Variants in COL10A1 observed in about 807,000 individuals in gnomAD.
The protein encoded by COL10A1 is collagen alpha-1(X) chain.
In COL10A1, 10 loss-of-function variants were observed where a neutral mutation model predicts 18.2. The ratio of observed to expected loss-of-function variants is 0.55; its 90% CI spans 0.34 to 0.93. The LOEUF (loss-of-function observed/expected upper bound fraction) is 0.93. COL10A1 is among the 40% of genes least tolerant of loss of function. The pLI is 0.02. For missense variants in COL10A1, 897 were observed against 853.5 expected, an observed-to-expected ratio of 1.05 and a Z score of -0.64; for synonymous variants, 330 against 316.6, an observed-to-expected ratio of 1.04 and a Z score of -0.45.
the COL10A1 span, among the ~76,000 whole-genome samples, chr6:116,196,069 A>G: frequency 3.3e-5 from 5 of 151,984 alleles, no homozygotes; most frequent in Admixed American, 1.3e-4. Flanking sequence ...TAAACTTGAC[A>G]TTCTGTTATC....
the COL10A1 span, among the ~76,000 whole-genome samples, chr6:116,169,674 A>G: frequency 6.6e-6 from 1 of 152,228 alleles, no homozygotes; most frequent in Admixed American, 6.5e-5. Flanking sequence ...ACAAATGGAT[A>G]AAACATGAGG....
the COL10A1 span, among the ~76,000 whole-genome samples, chr6:116,204,629 A>T: frequency 6.6e-6 from 1 of 151,984 alleles, no homozygotes; most frequent in Non-Finnish European, 1.5e-5. Flanking sequence ...AGCCCTAAAG[A>T]AGTACTCATA....
At chr6:116,162,954 C>T (rs1255677730), upstream of COL10A1, among the ~76,000 whole-genome samples, 6 of 151,540 alleles carry the variant, frequency 4.0e-5, no homozygotes, top group African/African-American at 1.5e-4. Flanking sequence ...GGTGAAACCC[C>T]GTCTCTACTA....
chr6:116,162,523 T>C (rs566519038), upstream of COL10A1, among the ~76,000 whole-genome samples: 1 of 152,346 alleles, frequency 6.6e-6, no homozygotes, highest in South Asian at 2.1e-4. Context: ...TTCTGCATAT[T>C]GAGATGATCA....
At chr6:116,181,520 G>A in the COL10A1 span, among the ~76,000 whole-genome samples, 3 of 152,070 alleles carry the variant, frequency 2.0e-5, no homozygotes, top group South Asian at 6.2e-4. Context: ...TCCCATTATA[G>A]GATATCTCCA....
chr6:116,210,401 G>T, the COL10A1 span, among the ~76,000 whole-genome samples: 1 of 151,780 alleles, frequency 6.6e-6, no homozygotes, highest in Non-Finnish European at 1.5e-5. Context: ...TGGTGACCCT[G>T]TAGTTACCAT....
At chr6:116,129,948 A>G (rs1376391578), upstream of COL10A1, among the ~76,000 whole-genome samples, 1 of 152,146 alleles carries the variant, frequency 6.6e-6, no homozygotes, top group Admixed American at 6.5e-5. Context: ...AGCACACACA[A>G]ATACATTTTT....
At chr6:116,138,949 G>C (rs1286026561) in intron 1 of COL10A1, among the ~76,000 whole-genome samples, 2 of 152,044 alleles carry the variant, frequency 1.3e-5, no homozygotes, top group Non-Finnish European at 2.9e-5. Context: ...TGCATTATTA[G>C]TTTTGTGACC....
At chr6:116,141,274 T>G (rs887443010) in intron 1 of COL10A1, among the ~76,000 whole-genome samples, 2 of 152,214 alleles carry the variant, frequency 1.3e-5, no homozygotes, top group African/African-American at 4.8e-5. Flanking sequence ...TTTTTTTTTT[T>G]TGGTGGTGGT....
At chr6:116,163,613 T>C (rs1237300613), upstream of COL10A1, among the ~76,000 whole-genome samples, 1 of 152,156 alleles carries the variant, frequency 6.6e-6, no homozygotes, top group East Asian at 1.9e-4. Context: ...TTAGTCTCAA[T>C]TGTATTTAGT....
the COL10A1 span, among the ~76,000 whole-genome samples, chr6:116,190,516 C>T: frequency 2.6e-5 from 4 of 152,046 alleles, no homozygotes; most frequent in Non-Finnish European, 5.9e-5. Context: ...AAACAAGCAT[C>T]CCCCCACCTC....
At chr6:116,158,633 C>T (rs553958363) in exon 1 of COL10A1, 2 of 152,134 alleles carry the variant, frequency 1.3e-5, no homozygotes, top group Non-Finnish European at 2.9e-5. Flanking sequence ...CTGAGAGATT[C>T]CCTATATGCT....
rs147612968 is a variant in COL10A1 at position 116,125,450 on chromosome 6, A to C, written c.43T>G (p.Leu15Val). Reference sequence around the variant, plus strand: ...TCAGCGTAAAACACTCCATGAACCAAGTTCAAGGATACTAGCAGCAAAAAG... The same window carrying C: ...TCAGCGTAAAACACTCCATGAACCACGTTCAAGGATACTAGCAGCAAAAAG... ...IPFLLLVSLN[L>V]VHGVFYAERY... is the part of the protein sequence containing the mutation. The change falls in exon 2 of 3, where the codon TTG becomes GTG. Residue 15 changes from leucine to valine, a missense_variant. Coordinates refer to ENST00000651968, the MANE Select transcript of COL10A1 (RefSeq NM_000493.4). 1.8e-4 allele frequency: 284 copies of C among 1,613,920 alleles called. No homozygotes were observed. The African/African-American group carries it at 3.2e-3, about 18-fold the overall frequency.
rs1273112823 is a variant in COL10A1, at chr6:116,120,540, TA to T, written c.1575del (p.Phe525LeufsTer2). ...AGACTGGGCCTTTGGCCTGCCTTTATAAAACCCTCAGGCATGACTGCTTGAC... is the reference window on the plus strand; with the variant it reads ...AGACTGGGCCTTTGGCCTGCCTTTATAAACCCTCAGGCATGACTGCTTGAC... ...PPGQAVMPEG[F>X]IKAGQRPSLS... On this transcript the variant is annotated frameshift_variant, in exon 3 of 3. Coordinates refer to ENST00000651968, the MANE Select transcript of COL10A1 (RefSeq NM_000493.4). LOFTEE classifies it low-confidence loss of function (END_TRUNC). 1 of 1,613,886 alleles carries T rather than the reference TA, an allele frequency of 6.2e-7. No individual in the cohort carries two copies. The highest frequency in any genetic ancestry group is 1.7e-5 in the Admixed American group (1 of 59,978).
At chr6:116,137,551 T>G (rs28398393) in intron 1 of COL10A1, 5 of 214,084 alleles carry the variant, frequency 2.3e-5, no homozygotes, top group African/African-American at 4.6e-5. Context: ...ATTACATGGG[T>G]CTCCTCTTTA....
At chr6:116,182,380 C>G in the COL10A1 span, among the ~76,000 whole-genome samples, 2 of 151,936 alleles carry the variant, frequency 1.3e-5, no homozygotes, top group Admixed American at 6.6e-5. Flanking sequence ...ATAATGACTT[C>G]TTTTCCTCTG....
intron 1 of COL10A1, among the ~76,000 whole-genome samples, chr6:116,143,665 T>C (rs538320505): frequency 6.6e-6 from 1 of 152,328 alleles, no homozygotes; most frequent in South Asian, 2.1e-4. Flanking sequence ...TAATTTAATA[T>C]TTTGTTGCAT....
At chr6:116,216,657 A>T in the COL10A1 span, among the ~76,000 whole-genome samples, 3 of 151,878 alleles carry the variant, frequency 2.0e-5, no homozygotes, top group African/African-American at 7.2e-5. Context: ...TAATTATAAA[A>T]TATTAGATAT....
In COL10A1 at chr6:116,121,834, T is replaced by A; in HGVS notation, c.282A>T (p.Pro94=). ...ATGGTCCCGGTGGTCCTGGCAACCCTGGCTCTCCTTGGAGTCCAGGACTTC... is the reference window on the plus strand; with the variant it reads ...ATGGTCCCGGTGGTCCTGGCAACCCAGGCTCTCCTTGGAGTCCAGGACTTC... ...GYGSPGLQGE[P]GLPGPPGPSA... The change falls in exon 3 of 3, where the codon CCA becomes CCT. Residue 94 remains proline (P), a synonymous_variant. Coordinates refer to ENST00000651968, the MANE Select transcript of COL10A1 (RefSeq NM_000493.4). 6.2e-7 allele frequency: 1 copy of A among 1,613,950 alleles called. No individual in the cohort carries two copies. The highest frequency in any genetic ancestry group is 8.5e-7 in the Non-Finnish European group (1 of 1,179,944).
Sources: gnomAD v4.1 joint callset for allele counts (sites outside exome capture counted in the v4.1 genomes callset) on GRCh38, gnomAD v4.1.1 for gene constraint, MANE v1.5 for transcripts, NCBI Gene and HGNC (gene_info 2026-07-23, HGNC 2026-07-21) for gene names.